Variants in TRRAP observed in about 807,000 individuals in gnomAD.
The protein encoded by TRRAP is transformation/transcription domain-associated protein.
Under a neutral mutation model 438.8 loss-of-function variants are expected in TRRAP, and 41 were observed. The ratio of observed to expected loss-of-function variants is 0.09; its 90% CI spans 0.07 to 0.12. The LOEUF is 0.12. Among genes scored for constraint, TRRAP ranks in the 10% least tolerant of loss-of-function variants. TRRAP has a pLI of 1.00. For missense variants in TRRAP, 3,122 were observed against 5,055.1 expected, an observed-to-expected ratio of 0.62 and a Z score of 11.60; for synonymous variants, 1,994 against 1,962.9, an observed-to-expected ratio of 1.02 and a Z score of -0.42.
rs533281843 is a variant in TRRAP at position 98,976,914 on chromosome 7, C to T, written c.8248-25C>T. 1 of 1,613,672 alleles carries T rather than the reference C, an allele frequency of 6.2e-7. No homozygotes were observed. Among genetic ancestry groups the T allele is most frequent in the East Asian group, 2.2e-5 (1 of 44,876 alleles). ...AAAAAAAGTCTCTGTCTCAAGCACT[C>T]AGGAACCTTACTTTGTGTTTTCAGG... On this transcript the variant is annotated intron_variant, in intron 55 of 72. Coordinates refer to ENST00000456197, the MANE Select transcript of TRRAP (RefSeq NM_001375524.1). This position sits in a 1 kb window ranked among gnomAD's most constrained non-coding sequence, Gnocchi z 4.6.
intron 67 of TRRAP, among the ~76,000 whole-genome samples, chr7:99,000,902 A>G (rs1384406740): frequency 6.6e-6 from 1 of 152,166 alleles, no homozygotes; most frequent in Non-Finnish European, 1.5e-5. Context: ...GGTCCCTACC[A>G]TACCTTCCAG....
rs529186909 is a variant in TRRAP at position 98,893,350 on chromosome 7, T to C, written c.367-448T>C. On this transcript the variant is annotated intron_variant, in intron 5 of 72. Coordinates refer to ENST00000456197, the MANE Select transcript of TRRAP (RefSeq NM_001375524.1). ...GCTGGGGCGCTTTGTTGCTGTGTCA[T>C]GTCAGCCACAGTGCTTAACCCCTGA... Among the ~76,000 whole-genome samples the C allele has an allele frequency of 3.9e-5, 6 of 152,350 alleles. No homozygotes were observed. In the South Asian group the frequency reaches 6.2e-4, roughly 16 times the overall value.
At position 99,005,708 on chromosome 7, in the gene TRRAP, T is replaced by C. The variant is rs1253903767; in HGVS notation, c.10753+360T>C. 6.6e-6 allele frequency among the ~76,000 whole-genome samples: 1 copy of C among 152,094 alleles called. No individual in the cohort carries two copies. On this transcript the variant is annotated intron_variant, in intron 69 of 72. Transcript: ENST00000456197. The surrounding 1 kb of genome is among the most constrained non-coding windows in gnomAD (Gnocchi z 5.1). ...CTTTTTTTTTTTCTTTTTTAGCTCA[T>C]CACCTGTCGTGTCAGTGTATTTTAT...
rs368283251 is a variant in TRRAP at position 98,950,127 on chromosome 7, C to A, written c.5199C>A (p.Leu1733=). Reference sequence around the variant, plus strand: ...TCCGAGCCTTTACTGGTCGTTTTCTCTGCAACATGACATTCTTAAAAGAGT... The same window carrying A: ...TCCGAGCCTTTACTGGTCGTTTTCTATGCAACATGACATTCTTAAAAGAGT... ...QLLRAFTGRF[L]CNMTFLKEYM... The change falls in exon 38 of 73, where the codon CTC becomes CTA. Residue 1733 remains leucine, a synonymous_variant. Transcript: ENST00000456197. The A allele has an allele frequency of 6.2e-7, 1 of 1,614,246 alleles. No individual in the cohort carries two copies. Among genetic ancestry groups the A allele is most frequent in the Non-Finnish European group, 8.5e-7 (1 of 1,180,044 alleles).
At chr7:98,960,645 G>A (rs1417015470) in intron 45 of TRRAP, among the ~76,000 whole-genome samples, 1 of 152,072 alleles carries the variant, frequency 6.6e-6, no homozygotes, top group Non-Finnish European at 1.5e-5. Context: ...AGGCTGGATT[G>A]CAGTGGCACA....
At chr7:98,964,375 G>A (rs1447750242) in intron 47 of TRRAP, among the ~76,000 whole-genome samples, 5 of 152,086 alleles carry the variant, frequency 3.3e-5, no homozygotes, top group Non-Finnish European at 5.9e-5. Context: ...CAGAACTGAA[G>A]GTAAGAACGT....
At chr7:98,978,527 G>C (rs1325092721) in intron 57 of TRRAP, among the ~76,000 whole-genome samples, 2 of 152,244 alleles carry the variant, frequency 1.3e-5, no homozygotes, top group African/African-American at 4.8e-5. Flanking sequence ...AACTGTCCCT[G>C]CATCTCCCCT....
chr7:98,897,628 GT>G lies in TRRAP; in HGVS notation c.508-106del, dbSNP rs1179002804. 4 of 1,370,400 alleles carry G rather than the reference GT, an allele frequency of 2.9e-6. No individual in the cohort carries two copies. The South Asian group carries it at 5.8e-5, about 20-fold the overall frequency. The allele number at this position is 1,370,400 out of a possible 1,614,324, so 84.9% of individuals were successfully genotyped here. On this transcript the variant is annotated intron_variant, in intron 7 of 72. Transcript: ENST00000456197. ...GCAGCATAAAAATGTAGAACATACT[GT>G]TTTTTTCCACCAAAGAGTCAAGCGT... is the stretch of plus-strand genomic sequence containing the variant.
intron 65 of TRRAP, 32 bp downstream of exon 65, chr7:98,992,259 C>T (rs748107387): frequency 4.5e-5 from 73 of 1,610,272 alleles, no homozygotes; most frequent in East Asian, 8.9e-5. Flanking sequence ...TAGGCCAGGC[C>T]GGGAAGGGCT....
chr7:98,916,841 T>C (rs1789540390), intron 19 of TRRAP, among the ~76,000 whole-genome samples: 1 of 152,158 alleles, frequency 6.6e-6, no homozygotes, highest in Admixed American at 6.5e-5. Context: ...CGTGAGGCCA[T>C]CCCTGATGGC....
intron 3 of TRRAP, among the ~76,000 whole-genome samples, chr7:98,883,018 C>G (rs1279067272): frequency 1.3e-5 from 2 of 152,206 alleles, no homozygotes; most frequent in Non-Finnish European, 2.9e-5. Flanking sequence ...ATGGTGTATT[C>G]TTATGCAATG....
intron 56 of TRRAP, 57 bp from the exon 57 acceptor site, chr7:98,978,150 AAAAG>A (rs1443972909): frequency 1.3e-5 from 18 of 1,438,064 alleles, no homozygotes; most frequent in Middle Eastern, 1.8e-4. Context: ...TTTAAATTTA[AAAAG>A]AAAGAAAAGG....
In TRRAP at chr7:98,912,101, G is replaced by T; in HGVS notation, c.2087G>T (p.Arg696Leu). The T allele has an allele frequency of 6.2e-7, 1 of 1,614,092 alleles. No homozygotes were observed. Among genetic ancestry groups the T allele is most frequent in the Non-Finnish European group, 8.5e-7 (1 of 1,180,016 alleles). Residue 696 changes from arginine to leucine, a missense_variant, in exon 18 of 73, where the codon CGC becomes CTC. Transcript: ENST00000456197. Reference protein sequence around the residue: ...ATILVEYLLDRLPEMGSNVEL... With the variant: ...ATILVEYLLDLLPEMGSNVEL... ...ATTCTGGTGGAATATCTCCTTGATC[G>T]CCTGCCAGAAATGGGCTCCAACGTG...
At chr7:98,964,323 G>T (rs1368556360) in intron 47 of TRRAP, among the ~76,000 whole-genome samples, 1 of 152,110 alleles carries the variant, frequency 6.6e-6, no homozygotes, top group Admixed American at 6.5e-5. Context: ...TATTATAGGA[G>T]TAAAAACTTA....
chr7:98,932,538 C>G lies in TRRAP; in HGVS notation c.3853-703C>G, dbSNP rs79853915. Among the ~76,000 whole-genome samples the G allele has an allele frequency of 8.4e-3, 1,279 of 152,102 alleles. 47 individuals are homozygous for G. The East Asian group carries it at 0.091, about 11-fold the overall frequency. ...CTATTTTTTTTTATAAAGATGGGCT[C>G]TCACTATGTTGCCCAGTCTGGCCTT... On this transcript the variant is annotated intron_variant, in intron 26 of 72. Coordinates refer to ENST00000456197, the MANE Select transcript of TRRAP (RefSeq NM_001375524.1).
At chr7:99,000,157 G>A (rs1793849526) in intron 67 of TRRAP, among the ~76,000 whole-genome samples, 3 of 152,086 alleles carry the variant, frequency 2.0e-5, no homozygotes, top group South Asian at 4.1e-4. Flanking sequence ...ACAGGTGCAC[G>A]TGCCACCACA....
At position 98,949,812 on chromosome 7, in the gene TRRAP, G is replaced by A. The variant is rs547329188; in HGVS notation, c.5106G>A (p.Leu1702=). The A allele has an allele frequency of 6.8e-6, 11 of 1,613,580 alleles. No individual in the cohort carries two copies. The highest frequency in any genetic ancestry group is 8.5e-6 in the Non-Finnish European group (10 of 1,179,954). Reference sequence around the variant, plus strand: ...CCACCAACTGGAAGGAGCCCAAGCTGCTGGCCTACTGCCTGCTGAACTACT... The same window carrying A: ...CCACCAACTGGAAGGAGCCCAAGCTACTGGCCTACTGCCTGCTGAACTACT... The part of the protein sequence containing the change: ...MAATNWKEPK[L]LAYCLLNYCK... The change falls in exon 37 of 73, where the codon CTG becomes CTA. Residue 1702 remains leucine, a synonymous_variant. Coordinates refer to ENST00000456197, the MANE Select transcript of TRRAP (RefSeq NM_001375524.1).
intron 3 of TRRAP, 115 bp downstream of exon 3, chr7:98,882,139 G>A: frequency 1.1e-6 from 1 of 918,084 alleles, no homozygotes; most frequent in Non-Finnish European, 1.6e-6. Flanking sequence ...CTTTGTTCAA[G>A]TAATTTAGTA....
intron 3 of TRRAP, among the ~76,000 whole-genome samples, chr7:98,884,351 C>T (rs2116246047): frequency 6.6e-6 from 1 of 152,192 alleles, no homozygotes; most frequent in Admixed American, 6.5e-5. Flanking sequence ...GGGCCCACCT[C>T]AGCCTCTGGA....
Sources: allele counts gnomAD v4.1 joint callset (sites outside exome capture counted in the v4.1 genomes callset), GRCh38; gene constraint gnomAD v4.1.1; non-coding constraint Gnocchi (gnomAD v3.1); transcripts MANE v1.5; gene names NCBI Gene and HGNC (gene_info 2026-07-23, HGNC 2026-07-21).